Variants in FMNL2 observed in about 807,000 individuals in gnomAD.
FMNL2 encodes the protein formin like 2, also known as formin-like protein 2.
Under a neutral mutation model 130.2 loss-of-function variants are expected in FMNL2, and 51 were observed. That is an observed-to-expected ratio of 0.39 (90% CI 0.31 to 0.49). The LOEUF (loss-of-function observed/expected upper bound fraction) is 0.49, where lower values mean the gene tolerates loss of function less well. Among genes scored for constraint, FMNL2 ranks in the 20% least tolerant of loss-of-function variants. The pLI is 0.85. For synonymous variants in FMNL2, 465 were observed against 467.1 expected (o/e 1.00, Z 0.06); for missense variants, 977 against 1,316.2 (o/e 0.74, Z 3.99).
At chr2:152,390,487 C>T in intron 1 of FMNL2, 4 of 1,538,346 alleles carry the variant, frequency 2.6e-6, no homozygotes, top group Non-Finnish European at 3.6e-6. Flanking sequence ...GACAATGAGA[C>T]TCGCAGCATG....
intron 3 of FMNL2, among the ~76,000 whole-genome samples, chr2:152,546,717 G>A (rs981895075): frequency 2.6e-5 from 4 of 152,118 alleles, no homozygotes; most frequent in African/African-American, 9.7e-5. Flanking sequence ...TCTGACACGG[G>A]AGTGGCCACA....
chr2:152,530,626 A>G (rs1693635380), intron 2 of FMNL2, among the ~76,000 whole-genome samples: 1 of 152,254 alleles, frequency 6.6e-6, no homozygotes, highest in Non-Finnish European at 1.5e-5. Context: ...ACAAGGTTGA[A>G]AAAAGATACA....
chr2:152,335,662 C>T lies in FMNL2; in HGVS notation c.59C>T (p.Pro20Leu). 1 of 1,594,294 alleles carries T rather than the reference C, an allele frequency of 6.3e-7. No homozygotes were observed. Among genetic ancestry groups the T allele is most frequent in the Non-Finnish European group, 8.5e-7 (1 of 1,170,250 alleles). The change falls in exon 1 of 26, where the codon CCT becomes CTT. Residue 20 changes from proline to leucine, a missense_variant. Pro to Leu is a moderately conservative substitution (Grantham distance 98). Around this residue, in one of 4 missense-constraint regions of FMNL2, gnomAD observed 117 missense variants for 134.9 expected, o/e 0.87. Coordinates refer to ENST00000288670, the MANE Select transcript of FMNL2 (RefSeq NM_052905.4). ...QQTDFRAHNV[P>L]LKLPMPEPGE... Reference sequence around the variant, plus strand: ...ACCGATTTCAGGGCGCACAACGTGCCTTTGAAGCTGCCGATGCCAGAGCCA... The same window carrying T: ...ACCGATTTCAGGGCGCACAACGTGCTTTTGAAGCTGCCGATGCCAGAGCCA...
intron 1 of FMNL2, among the ~76,000 whole-genome samples, chr2:152,423,661 C>G (rs886723465): frequency 3.3e-5 from 5 of 152,296 alleles, no homozygotes; most frequent in African/African-American, 1.2e-4. Context: ...TCCATTTACC[C>G]TCCTCTTCTT....
intron 1 of FMNL2, among the ~76,000 whole-genome samples, chr2:152,383,033 C>T (rs1326525764): frequency 6.6e-6 from 1 of 152,104 alleles, no homozygotes; most frequent in African/African-American, 2.4e-5. Flanking sequence ...AGAACACATA[C>T]AATTATGTTC....
intron 1 of FMNL2, among the ~76,000 whole-genome samples, chr2:152,388,639 C>G (rs1377297239): frequency 2.6e-5 from 4 of 152,292 alleles, no homozygotes; most frequent in African/African-American, 9.6e-5. Flanking sequence ...AAATTAGAAG[C>G]CTATCTCTAA....
chr2:152,340,221 TAC>T (rs1051349515), intron 1 of FMNL2, among the ~76,000 whole-genome samples: 1 of 152,136 alleles, frequency 6.6e-6, no homozygotes, highest in Non-Finnish European at 1.5e-5. Context: ...CCTAAAATTA[TAC>T]AGTTATTAAA....
At position 152,649,226 on chromosome 2, in the gene FMNL2, T is replaced by C. The variant is rs1248670969; in HGVS notation, c.*1321T>C. 6.6e-6 allele frequency: 1 copy of C among 152,644 alleles called. No homozygotes were observed. Among genetic ancestry groups the C allele is most frequent in the African/African-American group, 2.4e-5 (1 of 41,460 alleles). The allele number at this position is 152,644 out of a possible 1,614,324, so 9.5% of individuals were successfully genotyped here. A position where few individuals can be genotyped will look rare whatever the true frequency, so the allele number is the denominator to read the frequency against. The stretch of plus-strand genomic sequence containing the variant: ...TGTGTAGTTATATGATCTTTTTAAA[T>C]GTACAGATATTTTGCTATAAAATCG... On this transcript the variant is annotated 3_prime_UTR_variant, in exon 26 of 26. Coordinates refer to ENST00000288670, the MANE Select transcript of FMNL2 (RefSeq NM_052905.4).
chr2:152,561,851 T>G (rs912009823), intron 6 of FMNL2, among the ~76,000 whole-genome samples: 2 of 152,192 alleles, frequency 1.3e-5, no homozygotes, highest in Non-Finnish European at 2.9e-5. Flanking sequence ...GTGTTGGGAT[T>G]ACAGGCATCA....
intron 1 of FMNL2, among the ~76,000 whole-genome samples, chr2:152,429,498 C>G (rs1022524286): frequency 6.6e-6 from 1 of 152,068 alleles, no homozygotes; most frequent in Non-Finnish European, 1.5e-5. Flanking sequence ...AGGCTAAAAG[C>G]TTAGTATTTC....
At chr2:152,409,935 G>C (rs535070105) in intron 1 of FMNL2, among the ~76,000 whole-genome samples, 17 of 152,270 alleles carry the variant, frequency 1.1e-4, no homozygotes, top group Non-Finnish European at 2.1e-4. Context: ...TTTAGAGGCA[G>C]AAACAATAAT....
intron 9 of FMNL2, among the ~76,000 whole-genome samples, chr2:152,583,741 C>A (rs1468325109): frequency 6.6e-6 from 1 of 152,158 alleles, no homozygotes; most frequent in Non-Finnish European, 1.5e-5. Flanking sequence ...CAGCTTGGCC[C>A]ACACCCTGTT....
chr2:152,440,686 T>G (rs755803276), intron 1 of FMNL2, among the ~76,000 whole-genome samples: 1 of 152,192 alleles, frequency 6.6e-6, no homozygotes, highest in Non-Finnish European at 1.5e-5. Context: ...GGTAGAGGCA[T>G]GTAGAGAACA....
intron 1 of FMNL2, among the ~76,000 whole-genome samples, chr2:152,446,086 A>G (rs573819147): frequency 2.6e-5 from 4 of 152,250 alleles, no homozygotes; most frequent in Non-Finnish European, 5.9e-5. Flanking sequence ...AAATTAGACC[A>G]TGTGTGTGGC....
chr2:152,478,252 T>A (rs1348433620), intron 1 of FMNL2, among the ~76,000 whole-genome samples: 87 of 72,334 alleles, frequency 1.2e-3, no homozygotes, highest in African/African-American at 4.8e-3. Context: ...ATATATATAT[T>A]TTTTTTTTTT....
intron 1 of FMNL2, among the ~76,000 whole-genome samples, chr2:152,428,436 G>T (rs984044809): frequency 1.3e-5 from 2 of 152,132 alleles, no homozygotes; most frequent in African/African-American, 4.8e-5. Context: ...AGAAATATGG[G>T]TTATTGCTCT....
chr2:152,459,896 C>T (rs771842739), intron 1 of FMNL2, among the ~76,000 whole-genome samples: 6 of 152,292 alleles, frequency 3.9e-5, no homozygotes, highest in South Asian at 2.1e-4. Context: ...GAAGCTGTCA[C>T]AGTGGTGAGA....
chr2:152,551,719 A>G (rs1694945430), intron 4 of FMNL2, among the ~76,000 whole-genome samples: 1 of 152,328 alleles, frequency 6.6e-6, no homozygotes, highest in Admixed American at 6.5e-5. Flanking sequence ...AAAATACTGT[A>G]ATAGATAGAT....
chr2:152,599,403 A>ATATTT (rs1407347624), intron 9 of FMNL2, among the ~76,000 whole-genome samples: 1 of 57,456 alleles, frequency 1.7e-5, no homozygotes, highest in Non-Finnish European at 3.3e-5. Context: ...ATTGAAGGTC[A>ATATTT]TCTTTTTTTT....
Sources: gnomAD v4.1 joint callset for allele counts (sites outside exome capture counted in the v4.1 genomes callset) on GRCh38, gnomAD v4.1.1 for gene constraint, gnomAD v4.1.1 regional missense constraint, MANE v1.5 for transcripts, NCBI Gene and HGNC (gene_info 2026-07-23, HGNC 2026-07-21) for gene names.